SLA: variants seen among roughly 807,000 people sequenced by gnomAD.
SLA encodes Src like adaptor.
SLA carries 16 observed loss-of-function variants against 30.3 expected under a neutral mutation model. That is an observed-to-expected ratio of 0.53 (90% CI 0.36 to 0.80). The LOEUF (loss-of-function observed/expected upper bound fraction) is 0.80. Ranked by LOEUF, SLA falls within the 30% of genes least tolerant of loss-of-function variation. The pLI is 0.01. For synonymous variants in SLA, 143 were observed against 137.8 expected, an observed-to-expected ratio of 1.04 and a Z score of -0.26; for missense variants, 310 against 345.2, an observed-to-expected ratio of 0.90 and a Z score of 0.81.
intron 7 of SLA, 55 bp downstream of exon 7, chr8:133,044,929 A>G: frequency 6.3e-7 from 1 of 1,587,062 alleles, no homozygotes; most frequent in East Asian, 2.2e-5. Flanking sequence ...GCCACAGAGC[A>G]ATTAGCTAAG....
At chr8:133,077,770 T>C (rs1297411607) in intron 1 of SLA, among the ~76,000 whole-genome samples, 1 of 151,480 alleles carries the variant, frequency 6.6e-6, no homozygotes, top group East Asian at 1.9e-4. Flanking sequence ...TGTGTGTTTG[T>C]ATGTGTGTGT....
At chr8:133,055,346 GACAC>G (rs150473065) in intron 3 of SLA, among the ~76,000 whole-genome samples, 19,725 of 144,502 alleles carry the variant, frequency 0.14, 1,536 homozygotes, top group Admixed American at 0.18. Context: ...TCATCTTCAG[GACAC>G]ACACACGCAC....
chr8:133,097,155 C>G (rs191175061), intron 1 of SLA, among the ~76,000 whole-genome samples: 5 of 152,350 alleles, frequency 3.3e-5, no homozygotes, highest in African/African-American at 9.6e-5. Context: ...ACATGCATGA[C>G]ATGGGTCTCT....
chr8:133,085,033 G>A lies in SLA; in HGVS notation c.-318-9903C>T, dbSNP rs556121002. On this transcript the variant is annotated intron_variant, in intron 1 of 8. Coordinates refer to ENST00000338087, the MANE Select transcript of SLA (RefSeq NM_001045556.3). ...AGGCACAGTCGTGTCTCCCTGCTTA[G>A]TGAGCACAAACTGAGAACAGCATGT... Among the ~76,000 whole-genome samples, 11 of 152,344 alleles carry A rather than the reference G, an allele frequency of 7.2e-5. No individual in the cohort carries two copies. In the South Asian group the frequency reaches 1.4e-3, roughly 20 times the overall value.
intron 1 of SLA, among the ~76,000 whole-genome samples, chr8:133,098,738 A>G (rs1051197358): frequency 1.3e-5 from 2 of 152,162 alleles, no homozygotes; most frequent in African/African-American, 4.8e-5. Flanking sequence ...CTCAGTGGAA[A>G]TGCCATCCAT....
At chr8:133,058,989 G>A in intron 3 of SLA, 1 of 468,220 alleles carries the variant, frequency 2.1e-6, no homozygotes. Context: ...ACACAAGCTG[G>A]GCCTGTCCAT....
intron 3 of SLA, among the ~76,000 whole-genome samples, chr8:133,052,460 C>T (rs1462257284): frequency 1.3e-5 from 2 of 152,102 alleles, no homozygotes; most frequent in African/African-American, 2.4e-5. Context: ...ACAGTCGTGT[C>T]GGGACGTAAA....
At chr8:133,086,727 G>A (rs1013392932) in intron 1 of SLA, among the ~76,000 whole-genome samples, 12 of 152,106 alleles carry the variant, frequency 7.9e-5, no homozygotes, top group African/African-American at 2.9e-4. Flanking sequence ...GCACCATACT[G>A]TTACAGGAAA....
chr8:133,094,386 G>A (rs950674972), intron 1 of SLA, among the ~76,000 whole-genome samples: 6 of 151,644 alleles, frequency 4.0e-5, no homozygotes, highest in South Asian at 2.1e-4. Context: ...GACTACAGGC[G>A]CCCGTCACCA....
At chr8:133,093,865 C>T (rs1283949800) in intron 1 of SLA, among the ~76,000 whole-genome samples, 5 of 152,190 alleles carry the variant, frequency 3.3e-5, no homozygotes, top group Admixed American at 6.5e-5. Context: ...TAAGAGCAAC[C>T]GACTTATACA....
At chr8:133,054,340 A>G (rs1564124456) in intron 3 of SLA, among the ~76,000 whole-genome samples, 1 of 152,102 alleles carries the variant, frequency 6.6e-6, no homozygotes, top group Non-Finnish European at 1.5e-5. Flanking sequence ...CCCAGAGAGA[A>G]TTTTCGGGAA....
chr8:133,068,071 G>T (rs2739146), intron 2 of SLA, among the ~76,000 whole-genome samples: 92,666 of 151,710 alleles, frequency 0.61, 28,796 homozygotes, highest in East Asian at 0.79. Context: ...CTCTTGATAG[G>T]ATACCTCAAT....
At chr8:133,087,118 ACACACG>A (rs1846714110) in intron 1 of SLA, among the ~76,000 whole-genome samples, 2 of 118,358 alleles carry the variant, frequency 1.7e-5, no homozygotes, top group Admixed American at 1.7e-4. Flanking sequence ...ACACACACAC[ACACACG>A]GAAGAGACAT....
intron 1 of SLA, chr8:133,087,653 G>A (rs1405404989): frequency 1.3e-5 from 2 of 152,136 alleles, no homozygotes; most frequent in African/African-American, 4.8e-5. Context: ...TTAATTCATT[G>A]GAGACAAGTT....
intron 1 of SLA, among the ~76,000 whole-genome samples, chr8:133,077,371 T>C (rs1320088478): frequency 6.6e-6 from 1 of 152,072 alleles, no homozygotes; most frequent in African/African-American, 2.4e-5. Context: ...GGCCGCAGGC[T>C]CTTCTCTGTT....
chr8:133,070,027 G>A (rs61259962), intron 2 of SLA, among the ~76,000 whole-genome samples: 32,361 of 55,900 alleles, frequency 0.58, 8,840 homozygotes, highest in African/African-American at 0.7. Flanking sequence ...AAAAAAAAAA[G>A]AAAGAAAGAA....
chr8:133,051,912 A>G (rs994617934), intron 3 of SLA, among the ~76,000 whole-genome samples: 5 of 152,346 alleles, frequency 3.3e-5, no homozygotes, highest in African/African-American at 1.2e-4. Flanking sequence ...TCATTCGGCA[A>G]CTACTTACTG....
chr8:133,096,250 C>G, intron 1 of SLA: 1 of 1,614,202 alleles, frequency 6.2e-7, no homozygotes, highest in Non-Finnish European at 8.5e-7. Context: ...GTCCTGTGAT[C>G]GATGGCCACT....
chr8:133,040,444 T>G, intron 7 of SLA: 1 of 316,668 alleles, frequency 3.2e-6, no homozygotes, highest in Non-Finnish European at 6.0e-6. Context: ...CAAGAACGTC[T>G]CTGAGCTTTC....
Sources: gnomAD v4.1 joint callset for allele counts (sites outside exome capture counted in the v4.1 genomes callset) on GRCh38, gnomAD v4.1.1 for gene constraint, MANE v1.5 for transcripts, NCBI Gene and HGNC (gene_info 2026-07-23, HGNC 2026-07-21) for gene names.